The following GALNT13 variants were observed in gnomAD, a reference collection of about 807,000 sequenced individuals.
GALNT13 encodes the protein UDP-GalNAc:polypeptide N-acetylgalactosaminyltransferase 13.
Under a neutral mutation model 64.2 loss-of-function variants are expected in GALNT13, and 28 were observed. The observed-to-expected ratio is 0.44, with a 90% CI of 0.32 to 0.60. GALNT13 has a LOEUF of 0.60. GALNT13 is among the 20% of genes least tolerant of loss of function. The probability of loss-of-function intolerance (pLI) is 0.05; values close to 1 mark genes in which losing one functional copy is unlikely to be tolerated. For missense variants in GALNT13, 577 were observed against 669.8 expected, an observed-to-expected ratio of 0.86 and a Z score of 1.53; for synonymous variants, 214 against 224.6, an observed-to-expected ratio of 0.95 and a Z score of 0.42.
At chr2:153,561,077 C>T in the GALNT13 span, among the ~76,000 whole-genome samples, 3 of 151,884 alleles carry the variant, frequency 2.0e-5, no homozygotes, top group Non-Finnish European at 2.9e-5. Flanking sequence ...ATAAAACCTT[C>T]CCTTCCATTA....
the GALNT13 span, among the ~76,000 whole-genome samples, chr2:153,436,038 G>A: frequency 6.6e-6 from 1 of 152,164 alleles, no homozygotes; most frequent in Non-Finnish European, 1.5e-5. Context: ...TTAGCATGAA[G>A]TGCTGTTGAA....
the GALNT13 span, among the ~76,000 whole-genome samples, chr2:153,671,897 C>T: frequency 6.6e-6 from 1 of 152,072 alleles, no homozygotes; most frequent in Non-Finnish European, 1.5e-5. Flanking sequence ...GCAGGGGTTG[C>T]AATCCTGGTC....
intron 3 of GALNT13, among the ~76,000 whole-genome samples, chr2:153,945,803 T>C (rs1574174639): frequency 6.6e-6 from 1 of 152,168 alleles, no homozygotes; most frequent in East Asian, 1.9e-4. Context: ...TTGAGTTTGC[T>C]TTAGATTACA....
chr2:153,356,795 T>C, the GALNT13 span, among the ~76,000 whole-genome samples: 20 of 130,268 alleles, frequency 1.5e-4, 1 homozygote, highest in South Asian at 2.7e-4. Context: ...TCCTCTTTTT[T>C]TTTTTTTTTT....
chr2:153,629,829 T>C, the GALNT13 span, among the ~76,000 whole-genome samples: 1 of 146,928 alleles, frequency 6.8e-6, no homozygotes, highest in Non-Finnish European at 1.5e-5. Flanking sequence ...CATCAAAAAG[T>C]GGGCGAGGGA....
chr2:154,187,708 A>G (rs185967718), intron 4 of GALNT13, among the ~76,000 whole-genome samples: 1 of 152,260 alleles, frequency 6.6e-6, no homozygotes, highest in Admixed American at 6.5e-5. Context: ...CAACTACCTG[A>G]GAGCACAGAA....
chr2:153,837,011 G>A, the GALNT13 span, among the ~76,000 whole-genome samples: 1 of 151,402 alleles, frequency 6.6e-6, no homozygotes, highest in Non-Finnish European at 1.5e-5. Flanking sequence ...ATAGTCCTTT[G>A]GGTATATACC....
the GALNT13 span, among the ~76,000 whole-genome samples, chr2:153,845,168 G>A: frequency 7.9e-5 from 12 of 152,154 alleles, no homozygotes; most frequent in African/African-American, 1.7e-4. Context: ...TCCCAGTACC[G>A]TTTTTCTATA....
At chr2:153,459,587 C>T in the GALNT13 span, among the ~76,000 whole-genome samples, 44 of 152,150 alleles carry the variant, frequency 2.9e-4, no homozygotes, top group African/African-American at 9.9e-4. Flanking sequence ...AAATACAAAG[C>T]GAAACTGAAA....
chr2:154,161,352 G>A (rs1229401736), intron 4 of GALNT13, among the ~76,000 whole-genome samples: 2 of 151,954 alleles, frequency 1.3e-5, no homozygotes, highest in African/African-American at 4.8e-5. Context: ...ATTGCATCAA[G>A]ATGATTGAAG....
At chr2:154,204,980 A>G (rs867594574) in intron 4 of GALNT13, among the ~76,000 whole-genome samples, 1 of 152,194 alleles carries the variant, frequency 6.6e-6, no homozygotes, top group African/African-American at 2.4e-5. Flanking sequence ...TGTGCTCAGC[A>G]TATGTCCCAT....
the GALNT13 span, among the ~76,000 whole-genome samples, chr2:153,200,804 G>A: frequency 6.6e-6 from 1 of 152,172 alleles, no homozygotes; most frequent in Non-Finnish European, 1.5e-5. Flanking sequence ...ATTGGAATTT[G>A]AAATCATAGG....
intron 3 of GALNT13, among the ~76,000 whole-genome samples, chr2:153,974,924 T>C (rs886364115): frequency 6.6e-6 from 1 of 152,042 alleles, no homozygotes; most frequent in Non-Finnish European, 1.5e-5. Context: ...TGAATGTTTT[T>C]TCTTAAGTGA....
chr2:153,825,982 C>T, the GALNT13 span, among the ~76,000 whole-genome samples: 1 of 152,264 alleles, frequency 6.6e-6, no homozygotes. Context: ...TTCTCCTCCT[C>T]ATTTTCTCTA....
chr2:154,191,832 G>T (rs1489880975), intron 4 of GALNT13, among the ~76,000 whole-genome samples: 1 of 152,108 alleles, frequency 6.6e-6, no homozygotes, highest in East Asian at 1.9e-4. Flanking sequence ...GTGTTACCAT[G>T]TGCCCTTTTA....
At chr2:153,078,948 AT>A in the GALNT13 span, among the ~76,000 whole-genome samples, 1 of 152,080 alleles carries the variant, frequency 6.6e-6, no homozygotes, top group African/African-American at 2.4e-5. Context: ...TGTTGTTGTA[AT>A]TTTGGGTCAT....
chr2:154,363,672 T>C (rs1697204794), intron 9 of GALNT13, among the ~76,000 whole-genome samples: 1 of 152,220 alleles, frequency 6.6e-6, no homozygotes, highest in African/African-American at 2.4e-5. Context: ...GGAGTTTTTA[T>C]GTGAAGCTCT....
chr2:154,001,306 A>T (rs1179814622), intron 3 of GALNT13, among the ~76,000 whole-genome samples: 1 of 151,952 alleles, frequency 6.6e-6, no homozygotes, highest in African/African-American at 2.4e-5. Context: ...TTGATAGGTA[A>T]GGGTTTATTA....
At chr2:153,910,121 T>G (rs181304926) in intron 2 of GALNT13, among the ~76,000 whole-genome samples, 17 of 152,094 alleles carry the variant, frequency 1.1e-4, no homozygotes, top group African/African-American at 3.1e-4. Flanking sequence ...TCAGAATTCA[T>G]TATTGGTCTG....
Sources: gnomAD v4.1 joint callset for allele counts (sites outside exome capture counted in the v4.1 genomes callset) on GRCh38, gnomAD v4.1.1 for gene constraint, MANE v1.5 for transcripts, NCBI Gene and HGNC (gene_info 2026-07-23, HGNC 2026-07-21) for gene names.